COL13A1: variants seen among roughly 807,000 people sequenced by gnomAD.
COL13A1 encodes collagen type XIII alpha 1 chain.
COL13A1 carries 89 observed loss-of-function variants against 130.9 expected under a neutral mutation model. The observed-to-expected ratio is 0.68, with a 90% CI of 0.57 to 0.81. COL13A1 has a LOEUF of 0.81. Among genes scored for constraint, COL13A1 ranks in the 30% least tolerant of loss-of-function variants. The pLI, the probability that COL13A1 is intolerant of heterozygous loss-of-function variation, is 0.00. For missense variants in COL13A1, 879 were observed against 934.6 expected (o/e 0.94, Z 0.78); for synonymous variants, 402 against 341.6 (o/e 1.18, Z -1.95).
chr10:69,925,946 C>T (rs778313105), intron 26 of COL13A1, 74 bp downstream of exon 26: 2 of 1,288,168 alleles, frequency 1.6e-6, no homozygotes, highest in Non-Finnish European at 2.2e-6. Context: ...ATCAGGGGGC[C>T]CTTCCACACA....
chr10:69,849,405 G>A (rs902658158), intron 2 of COL13A1, among the ~76,000 whole-genome samples: 1 of 152,212 alleles, frequency 6.6e-6, no homozygotes, highest in South Asian at 2.1e-4. Context: ...CTATCATGGA[G>A]GCCCATGGTC....
intron 30 of COL13A1, among the ~76,000 whole-genome samples, chr10:69,931,001 G>A (rs1016153404): frequency 6.6e-6 from 1 of 152,152 alleles, no homozygotes; most frequent in Non-Finnish European, 1.5e-5. Flanking sequence ...TTGACTTAGG[G>A]GCCTTCTCTG....
intron 2 of COL13A1, among the ~76,000 whole-genome samples, chr10:69,843,079 C>T (rs2133294088): frequency 6.6e-6 from 1 of 152,198 alleles, no homozygotes; most frequent in East Asian, 1.9e-4. Flanking sequence ...GCTGTCAGTG[C>T]TGGAGGGTGG....
chr10:69,808,355 C>A (rs139616633), intron 1 of COL13A1, among the ~76,000 whole-genome samples: 7 of 152,240 alleles, frequency 4.6e-5, no homozygotes, highest in African/African-American at 1.4e-4. Flanking sequence ...CCAATGTGGG[C>A]TCTCTCCCTG....
chr10:69,861,511 A>G (rs1242111624), intron 2 of COL13A1, among the ~76,000 whole-genome samples: 1 of 152,144 alleles, frequency 6.6e-6, no homozygotes, highest in Non-Finnish European at 1.5e-5. Context: ...CATGCCTGGT[A>G]TGAGATGTGT....
At chr10:69,938,105 G>A (rs1022586500) in intron 34 of COL13A1, among the ~76,000 whole-genome samples, 1 of 152,214 alleles carries the variant, frequency 6.6e-6, no homozygotes, top group African/African-American at 2.4e-5. Flanking sequence ...TTCCCAGAGG[G>A]ACCCCAAGAG....
At chr10:69,891,992 G>T (rs1648359842) in intron 10 of COL13A1, among the ~76,000 whole-genome samples, 1 of 152,150 alleles carries the variant, frequency 6.6e-6, no homozygotes, top group Admixed American at 6.5e-5. Context: ...CCCTTCCATG[G>T]GGCCGCTTTT....
At chr10:69,923,680 C>T (rs1395808681) in intron 23 of COL13A1, 122 bp from the exon 24 acceptor site, 2 of 1,271,270 alleles carry the variant, frequency 1.6e-6, no homozygotes, top group East Asian at 2.6e-5. Flanking sequence ...GGTGCAGAAG[C>T]CATCAGGGAA....
At chr10:69,853,817 C>A (rs1855655914) in intron 2 of COL13A1, among the ~76,000 whole-genome samples, 1 of 152,138 alleles carries the variant, frequency 6.6e-6, no homozygotes, top group Admixed American at 6.5e-5. Context: ...ATATTCCGTG[C>A]ACACCGATTT....
chr10:69,918,718 A>G (rs902170957), intron 19 of COL13A1, among the ~76,000 whole-genome samples: 1 of 152,198 alleles, frequency 6.6e-6, no homozygotes, highest in Non-Finnish European at 1.5e-5. Flanking sequence ...CAGCCTGGAA[A>G]AACAAGTGCT....
chr10:69,812,158 C>T (rs1268627259), intron 1 of COL13A1, among the ~76,000 whole-genome samples: 1 of 152,228 alleles, frequency 6.6e-6, no homozygotes, highest in Non-Finnish European at 1.5e-5. Context: ...GACCGCATTG[C>T]TAAATGTGAC....
intron 31 of COL13A1, among the ~76,000 whole-genome samples, chr10:69,934,040 T>C (rs1209656513): frequency 6.6e-6 from 1 of 152,202 alleles, no homozygotes; most frequent in Non-Finnish European, 1.5e-5. Flanking sequence ...TATACATATA[T>C]GTATATACAA....
intron 1 of COL13A1, among the ~76,000 whole-genome samples, chr10:69,820,958 C>T (rs187297061): frequency 1.3e-5 from 2 of 152,200 alleles, no homozygotes; most frequent in South Asian, 2.1e-4. Context: ...AAACCAGAGG[C>T]GATACCACCC....
At chr10:69,864,467 T>A (rs1203539663) in intron 2 of COL13A1, among the ~76,000 whole-genome samples, 1 of 152,168 alleles carries the variant, frequency 6.6e-6, no homozygotes, top group East Asian at 1.9e-4. Context: ...AGGAAATGAG[T>A]TATTCATCTC....
chr10:69,802,356 C>A lies in COL13A1; in HGVS notation c.-68C>A, dbSNP rs545017874. ...CCCTGCCCCGCAGTTTGGATAGAGCCTTTTGGCAGCGGCTGTCGCCTTTAT... is the reference window on the plus strand; with the variant it reads ...CCCTGCCCCGCAGTTTGGATAGAGCATTTTGGCAGCGGCTGTCGCCTTTAT... On this transcript the variant is annotated 5_prime_UTR_variant, in exon 1 of 41. Coordinates refer to ENST00000645393, the MANE Select transcript of COL13A1 (RefSeq NM_001368882.1). 3.5e-5 allele frequency: 48 copies of A among 1,383,920 alleles called. No individual in the cohort carries two copies. The South Asian group carries it at 3.8e-4, about 11-fold the overall frequency. The allele number at this position is 1,383,920 out of a possible 1,614,324, so 85.7% of individuals were successfully genotyped here.
At chr10:69,942,517 C>T (rs1179422049) in intron 35 of COL13A1, among the ~76,000 whole-genome samples, 1 of 152,198 alleles carries the variant, frequency 6.6e-6, no homozygotes, top group Non-Finnish European at 1.5e-5. Flanking sequence ...CAAATTCATA[C>T]ACTCTGTCCC....
chr10:69,857,083 A>C (rs927875675), intron 2 of COL13A1, among the ~76,000 whole-genome samples: 1 of 152,208 alleles, frequency 6.6e-6, no homozygotes, highest in South Asian at 2.1e-4. Flanking sequence ...GAAACTGTTC[A>C]GCCTGAGAAC....
chr10:69,850,333 G>A (rs1854389916), intron 2 of COL13A1, among the ~76,000 whole-genome samples: 1 of 149,008 alleles, frequency 6.7e-6, no homozygotes, highest in Non-Finnish European at 1.5e-5. Context: ...CTGGCATCAA[G>A]AAGCTTCAGG....
chr10:69,858,742 T>C (rs139136888), intron 2 of COL13A1, among the ~76,000 whole-genome samples: 177 of 152,342 alleles, frequency 1.2e-3, no homozygotes, highest in Middle Eastern at 6.8e-3. Flanking sequence ...TTGAAGGTTT[T>C]CATTCTCAGC....
Sources: allele counts gnomAD v4.1 joint callset (sites outside exome capture counted in the v4.1 genomes callset), GRCh38; gene constraint gnomAD v4.1.1; transcripts MANE v1.5; gene names NCBI Gene and HGNC (gene_info 2026-07-23, HGNC 2026-07-21).